Variants in FSD1L observed in about 807,000 individuals in gnomAD.
FSD1L encodes the protein fibronectin type III and SPRY domain containing 1 like.
A neutral mutation model predicts 71.6 loss-of-function variants in FSD1L; 45 were observed. The ratio of observed to expected loss-of-function variants is 0.63; its 90% confidence interval spans 0.49 to 0.81. The LOEUF is 0.81. FSD1L is among the 30% of genes least tolerant of loss of function. The pLI is 0.00. For missense variants in FSD1L, 561 were observed against 618.1 expected, an observed-to-expected ratio of 0.91 and a Z score of 0.98; for synonymous variants, 197 against 207.2, an observed-to-expected ratio of 0.95 and a Z score of 0.42.
intron 7 of FSD1L, among the ~76,000 whole-genome samples, chr9:105,487,271 A>G (rs977815401): frequency 6.6e-6 from 1 of 152,138 alleles, no homozygotes; most frequent in Non-Finnish European, 1.5e-5. Flanking sequence ...GAGAGGTGCC[A>G]CTATCTCTTG....
At chr9:105,488,012 T>G (rs2131727571) in intron 7 of FSD1L, among the ~76,000 whole-genome samples, 1 of 152,314 alleles carries the variant, frequency 6.6e-6, no homozygotes, top group Middle Eastern at 3.4e-3. Flanking sequence ...TTGATGAACC[T>G]ACACTGACAC....
intron 5 of FSD1L, among the ~76,000 whole-genome samples, chr9:105,476,382 C>T (rs1425716211): frequency 6.6e-6 from 1 of 152,088 alleles, no homozygotes; most frequent in African/African-American, 2.4e-5. Context: ...AGAAGTGTCA[C>T]CTGAGACCAA....
intron 10 of FSD1L, chr9:105,530,974 T>A (rs1589092708): frequency 6.1e-6 from 1 of 162,898 alleles, no homozygotes; most frequent in African/African-American, 2.4e-5. Flanking sequence ...TTCCCTCAGC[T>A]ACTCCATAGC....
chr9:105,474,852 A>G (rs895416386), intron 5 of FSD1L, among the ~76,000 whole-genome samples: 3 of 152,230 alleles, frequency 2.0e-5, no homozygotes, highest in Non-Finnish European at 4.4e-5. Context: ...AAGTTATGCT[A>G]TTTACTGGCA....
chr9:105,517,454 G>A (rs1834802620), intron 10 of FSD1L, among the ~76,000 whole-genome samples: 1 of 152,260 alleles, frequency 6.6e-6, no homozygotes, highest in Non-Finnish European at 1.5e-5. Flanking sequence ...CAGACTAACA[G>A]CAGATCTCTC....
At chr9:105,504,898 G>T (rs1833961329) in intron 7 of FSD1L, among the ~76,000 whole-genome samples, 1 of 152,168 alleles carries the variant, frequency 6.6e-6, no homozygotes, top group Non-Finnish European at 1.5e-5. Flanking sequence ...GGTTATATTT[G>T]TGGAGAATTG....
chr9:105,502,799 C>A (rs540034912), intron 7 of FSD1L, among the ~76,000 whole-genome samples: 2 of 151,926 alleles, frequency 1.3e-5, no homozygotes, highest in Non-Finnish European at 2.9e-5. Flanking sequence ...TTAGGATTTC[C>A]CTTTTTGGTA....
At chr9:105,466,074 C>G (rs969276326) in intron 3 of FSD1L, among the ~76,000 whole-genome samples, 21 of 152,014 alleles carry the variant, frequency 1.4e-4, no homozygotes, top group African/African-American at 5.1e-4. Context: ...TATCAACACA[C>G]AAAAATCAGT....
intron 12 of FSD1L, among the ~76,000 whole-genome samples, chr9:105,537,578 A>T (rs1459571378): frequency 6.6e-6 from 1 of 152,156 alleles, no homozygotes; most frequent in African/African-American, 2.4e-5. Flanking sequence ...ACTGTGGAAT[A>T]GGATCAGATT....
At chr9:105,531,327 A>G (rs561765828) in intron 10 of FSD1L, among the ~76,000 whole-genome samples, 4 of 152,308 alleles carry the variant, frequency 2.6e-5, no homozygotes, top group African/African-American at 4.8e-5. Flanking sequence ...TCCTGATTAC[A>G]CATTTACTTT....
chr9:105,480,516 G>T (rs112906798), intron 6 of FSD1L, among the ~76,000 whole-genome samples: 1,624 of 152,266 alleles, frequency 0.011, 33 homozygotes, highest in African/African-American at 0.038. Context: ...GGTCTGGAAT[G>T]CCTAAGCTCA....
At chr9:105,454,239 A>G (rs1830226554) in intron 1 of FSD1L, among the ~76,000 whole-genome samples, 1 of 152,170 alleles carries the variant, frequency 6.6e-6, no homozygotes. Flanking sequence ...GCTGCTCTAT[A>G]ATTTGCATTT....
chr9:105,506,050 A>G (rs1457913507), intron 7 of FSD1L, among the ~76,000 whole-genome samples: 1 of 152,242 alleles, frequency 6.6e-6, no homozygotes, highest in Non-Finnish European at 1.5e-5. Flanking sequence ...AATACATTCA[A>G]GAGGGAAAAT....
chr9:105,481,776 A>ATT (rs200208077), intron 6 of FSD1L, among the ~76,000 whole-genome samples: 1 of 143,926 alleles, frequency 6.9e-6, no homozygotes, highest in African/African-American at 2.5e-5. Context: ...CAAAGAAAGG[A>ATT]TTTTTTTTTT....
At chr9:105,525,226 C>T in intron 10 of FSD1L, 4 of 1,604,696 alleles carry the variant, frequency 2.5e-6, no homozygotes, top group Non-Finnish European at 3.4e-6. Flanking sequence ...ATGGACTTTC[C>T]AGTTTAAAAG....
At chr9:105,497,288 C>A (rs1433904214) in intron 7 of FSD1L, among the ~76,000 whole-genome samples, 3 of 152,032 alleles carry the variant, frequency 2.0e-5, no homozygotes, top group African/African-American at 7.2e-5. Context: ...GAGGATTTTT[C>A]ACATCTAATT....
intron 7 of FSD1L, among the ~76,000 whole-genome samples, chr9:105,485,386 C>A (rs1455250741): frequency 6.6e-6 from 1 of 152,122 alleles, no homozygotes; most frequent in Non-Finnish European, 1.5e-5. Context: ...CTAACCCAGT[C>A]TTTTGAGAAA....
chr9:105,550,495 C>T lies in FSD1L; in HGVS notation c.*4012C>T, dbSNP rs1309671404. Reference sequence around the variant, plus strand: ...ATGAATGTTTCCTTAATTATCATGGCAAGATTACCTCACGTTCAGTATAGT... The same window carrying T: ...ATGAATGTTTCCTTAATTATCATGGTAAGATTACCTCACGTTCAGTATAGT... On this transcript the variant is annotated 3_prime_UTR_variant, in exon 14 of 14. Coordinates refer to ENST00000481272, the MANE Select transcript of FSD1L (RefSeq NM_001145313.3). The T allele has an allele frequency of 6.6e-6, 1 of 151,958 alleles. No individual in the cohort carries two copies. The highest frequency in any genetic ancestry group is 1.9e-4 in the East Asian group (1 of 5,198). 9.4% of individuals were successfully genotyped at this position (151,958 alleles called of 1,614,324 possible). A position where few individuals can be genotyped will look rare whatever the true frequency, so the allele number is the denominator to read the frequency against.
At position 105,523,388 on chromosome 9, in the gene FSD1L, T is replaced by C; in HGVS notation, c.1025+10452T>C. 2.5e-6 allele frequency: 4 copies of C among 1,603,848 alleles called. No individual in the cohort carries two copies. In the South Asian group the frequency reaches 4.4e-5, roughly 18 times the overall value. On this transcript the variant is annotated intron_variant, in intron 10 of 13. Coordinates refer to ENST00000481272, the MANE Select transcript of FSD1L (RefSeq NM_001145313.3). ...TTAGTGAATTTCCATCAGAATGTTG[T>C]AGTGTGATGGCAGGAGGTACTCTGA...
Sources: allele counts gnomAD v4.1 joint callset (sites outside exome capture counted in the v4.1 genomes callset), GRCh38; gene constraint gnomAD v4.1.1; transcripts MANE v1.5; gene names NCBI Gene and HGNC (gene_info 2026-07-23, HGNC 2026-07-21).